NTM: variants seen among roughly 807,000 people sequenced by gnomAD.
The protein encoded by NTM is IgLON family member 2.
NTM carries 13 observed loss-of-function variants against 42.1 expected under a neutral mutation model. That is an observed-to-expected ratio of 0.31 (90% confidence interval 0.20 to 0.49). The LOEUF (loss-of-function observed/expected upper bound fraction) is 0.49, where lower values mean the gene tolerates loss of function less well. NTM is among the 20% of genes least tolerant of loss of function. The pLI is 0.99. For missense variants in NTM, 373 were observed against 452.8 expected (o/e 0.82, Z 1.60); for synonymous variants, 187 against 179.2 (o/e 1.04, Z -0.35).
At chr11:131,803,599 T>G (rs1205305863) in intron 1 of NTM, among the ~76,000 whole-genome samples, 1 of 152,222 alleles carries the variant, frequency 6.6e-6, no homozygotes. Context: ...TGTAAGCCAC[T>G]GCGCCCGGCC....
chr11:131,898,024 A>T (rs1291349436), intron 1 of NTM, among the ~76,000 whole-genome samples: 1 of 152,212 alleles, frequency 6.6e-6, no homozygotes, highest in African/African-American at 2.4e-5. Flanking sequence ...CCTGGCTAAT[A>T]GGCTGATTAT....
At chr11:131,505,864 C>T (rs1172110958) in intron 1 of NTM, among the ~76,000 whole-genome samples, 1 of 152,134 alleles carries the variant, frequency 6.6e-6, no homozygotes, top group African/African-American at 2.4e-5. Context: ...GCTGTGTGAT[C>T]CCGCGCAAGT....
At chr11:131,712,671 C>T (rs891418796) in intron 1 of NTM, among the ~76,000 whole-genome samples, 4 of 151,942 alleles carry the variant, frequency 2.6e-5, no homozygotes, top group African/African-American at 9.7e-5. Flanking sequence ...TGCCTTGGCA[C>T]GATCTCAGCT....
intron 1 of NTM, among the ~76,000 whole-genome samples, chr11:131,634,604 T>G (rs1264764006): frequency 6.6e-6 from 1 of 150,446 alleles, no homozygotes; most frequent in African/African-American, 2.4e-5. Flanking sequence ...CTCTTTGAAG[T>G]AACTTTAGGA....
intron 2 of NTM, among the ~76,000 whole-genome samples, chr11:132,018,002 T>C (rs1257980692): frequency 6.6e-6 from 1 of 152,086 alleles, no homozygotes; most frequent in Non-Finnish European, 1.5e-5. Flanking sequence ...TGTTTACTAG[T>C]TCTAATAGTT....
intron 2 of NTM, among the ~76,000 whole-genome samples, chr11:131,995,274 C>A (rs560675909): frequency 1.8e-4 from 28 of 152,114 alleles, no homozygotes; most frequent in Admixed American, 1.2e-3. Flanking sequence ...ATTTTTCATT[C>A]TTTGTGCCAC....
chr11:132,005,068 T>C (rs901057490), intron 2 of NTM, among the ~76,000 whole-genome samples: 1 of 152,000 alleles, frequency 6.6e-6, no homozygotes. Context: ...AGTGCAGGGA[T>C]GGTAAAGGGG....
intron 1 of NTM, among the ~76,000 whole-genome samples, chr11:131,611,460 C>T (rs748479124): frequency 5.3e-5 from 8 of 152,268 alleles, no homozygotes; most frequent in South Asian, 4.2e-4. Context: ...ATAAATCCTC[C>T]GGCTCTCTGC....
At chr11:132,014,580 C>A (rs889968214) in intron 2 of NTM, among the ~76,000 whole-genome samples, 1 of 151,996 alleles carries the variant, frequency 6.6e-6, no homozygotes, top group African/African-American at 2.4e-5. Context: ...ACCATTCTAA[C>A]CTGGGTAAGA....
intron 8 of NTM, among the ~76,000 whole-genome samples, chr11:132,334,733 CCTT>C (rs759136474): frequency 6.6e-6 from 1 of 151,974 alleles, no homozygotes; most frequent in Non-Finnish European, 1.5e-5. Context: ...GAATCTGCCA[CCTT>C]CTTCTTGAAT....
chr11:131,720,976 T>C (rs2078261800), intron 1 of NTM, among the ~76,000 whole-genome samples: 1 of 152,214 alleles, frequency 6.6e-6, no homozygotes, highest in Non-Finnish European at 1.5e-5. Context: ...ATCCTTGCCT[T>C]CCTTGCTTAT....
At chr11:131,639,884 A>T (rs1408067378) in intron 1 of NTM, among the ~76,000 whole-genome samples, 1 of 152,132 alleles carries the variant, frequency 6.6e-6, no homozygotes, top group Non-Finnish European at 1.5e-5. Flanking sequence ...TGAACCCGGG[A>T]GGCGGAGGTT....
At chr11:131,761,936 T>C (rs2084279265) in intron 1 of NTM, among the ~76,000 whole-genome samples, 1 of 152,134 alleles carries the variant, frequency 6.6e-6, no homozygotes. Flanking sequence ...TATGTGAGGA[T>C]ACAATGGGAA....
intron 1 of NTM, among the ~76,000 whole-genome samples, chr11:131,402,396 TAAA>T (rs56370339): frequency 1.4e-5 from 2 of 145,594 alleles, no homozygotes; most frequent in African/African-American, 5.1e-5. Context: ...AACTAAGTCA[TAAA>T]AAAAAAAAAA....
At chr11:132,083,427 A>G (rs1388838979) in intron 2 of NTM, among the ~76,000 whole-genome samples, 1 of 152,232 alleles carries the variant, frequency 6.6e-6, no homozygotes, top group Non-Finnish European at 1.5e-5. Flanking sequence ...ATTGGCTTTG[A>G]GGGAAGTTTG....
intron 1 of NTM, among the ~76,000 whole-genome samples, chr11:131,733,728 G>A (rs1423866881): frequency 1.3e-5 from 2 of 152,058 alleles, no homozygotes; most frequent in Non-Finnish European, 2.9e-5. Flanking sequence ...TAGAGATGGG[G>A]GGGTTTGCCA....
chr11:131,531,938 G>A (rs1332147863), intron 1 of NTM, among the ~76,000 whole-genome samples: 1 of 152,174 alleles, frequency 6.6e-6, no homozygotes, highest in Non-Finnish European at 1.5e-5. Context: ...TCAAGTGCAG[G>A]GATTCCTCCA....
intron 1 of NTM, among the ~76,000 whole-genome samples, chr11:131,587,010 A>G (rs920834015): frequency 6.6e-6 from 1 of 152,192 alleles, no homozygotes; most frequent in Non-Finnish European, 1.5e-5. Flanking sequence ...CGGAGCAAGC[A>G]GAAGTACTCA....
chr11:131,669,875 A>G (rs2069806341), intron 1 of NTM, among the ~76,000 whole-genome samples: 1 of 152,178 alleles, frequency 6.6e-6, no homozygotes, highest in South Asian at 2.1e-4. Context: ...GCTTCTGAAG[A>G]TTTGAGCGAT....
Sources: gnomAD v4.1 joint callset for allele counts (sites outside exome capture counted in the v4.1 genomes callset) on GRCh38, gnomAD v4.1.1 for gene constraint, MANE v1.5 for transcripts, NCBI Gene and HGNC (gene_info 2026-07-23, HGNC 2026-07-21) for gene names.